Variants in SIM2 observed in about 807,000 individuals in gnomAD.
SIM2 encodes the protein SIM bHLH transcription factor 2.
A neutral mutation model predicts 64.8 loss-of-function variants in SIM2; 28 were observed. The observed-to-expected ratio is 0.43, with a 90% confidence interval of 0.32 to 0.59. SIM2 has a LOEUF of 0.59. Among genes scored for constraint, SIM2 ranks in the 20% least tolerant of loss-of-function variants. The pLI is 0.07. For missense variants in SIM2, 847 were observed against 871.4 expected (o/e 0.97, Z 0.35); for synonymous variants, 408 against 391.1 (o/e 1.04, Z -0.51).
intron 8 of SIM2, 45 bp downstream of exon 8, chr21:36,741,909 C>A (rs75177446): frequency 1.3e-6 from 2 of 1,503,192 alleles, no homozygotes; most frequent in East Asian, 4.9e-5. Context: ...TTTCTCTTCC[C>A]TGTCCCACAT....
chr21:36,743,651 C>T, intron 9 of SIM2, 96 bp downstream of exon 9: 2 of 1,180,276 alleles, frequency 1.7e-6, no homozygotes, highest in Non-Finnish European at 2.4e-6. Flanking sequence ...TCTCATTGCA[C>T]AGCAGGGATC....
At chr21:36,740,754 C>T (rs1396457381) in intron 7 of SIM2, among the ~76,000 whole-genome samples, 6 of 152,328 alleles carry the variant, frequency 3.9e-5, no homozygotes, top group African/African-American at 1.4e-4. Flanking sequence ...CCTTCAGCCC[C>T]AGCTGGTACA....
intron 7 of SIM2, among the ~76,000 whole-genome samples, chr21:36,740,104 C>T (rs982410347): frequency 2.7e-5 from 4 of 150,784 alleles, no homozygotes; most frequent in Non-Finnish European, 5.9e-5. Context: ...ACCTGTTGGC[C>T]TTTCATTTTT....
At chr21:36,708,545 A>G (rs1268890509) in intron 1 of SIM2, among the ~76,000 whole-genome samples, 1 of 152,174 alleles carries the variant, frequency 6.6e-6, no homozygotes, top group Non-Finnish European at 1.5e-5. Flanking sequence ...GCCCCCAGGT[A>G]AACCCCTCAC....
chr21:36,730,031 G>A (rs1447994819), intron 6 of SIM2, among the ~76,000 whole-genome samples: 1 of 152,168 alleles, frequency 6.6e-6, no homozygotes, highest in Non-Finnish European at 1.5e-5. Flanking sequence ...ATATCTTAGG[G>A]CGTTATCCTG....
chr21:36,740,377 A>G (rs2123497277), intron 7 of SIM2, among the ~76,000 whole-genome samples: 1 of 152,294 alleles, frequency 6.6e-6, no homozygotes, highest in Non-Finnish European at 1.5e-5. Flanking sequence ...GATCTGATGG[A>G]TGGATCTGCC....
Position 36,699,835 on chromosome 21 carries a change from C to A in SIM2, c.89C>A (p.Pro30Gln). The change falls in exon 1 of 11, where the codon CCG (proline) becomes CAG (glutamine). Residue 30 changes from proline (P) to glutamine (Q), a missense_variant. Coordinates refer to ENST00000290399, the MANE Select transcript of SIM2 (RefSeq NM_005069.6). The surrounding 1 kb of genome is among the most constrained non-coding windows in gnomAD (Gnocchi z 5.6). ...GAGCTTGCCAAGCTGCTCCCGCTGC[C>A]GTCGGCCATCACTTCGCAGCTGGAC... The part of the protein sequence containing the change: ...FYELAKLLPL[P>Q]SAITSQLDKA... 6.2e-7 allele frequency: 1 copy of A among 1,611,070 alleles called. No homozygotes were observed.
chr21:36,709,630 C>T (rs2088647114), intron 2 of SIM2: 1 of 379,818 alleles, frequency 2.6e-6, no homozygotes, highest in African/African-American at 2.1e-5. Flanking sequence ...AATGATTGGG[C>T]TGCTCTGAGC....
At chr21:36,702,064 T>C (rs1188705828) in intron 1 of SIM2, among the ~76,000 whole-genome samples, 1 of 152,220 alleles carries the variant, frequency 6.6e-6, no homozygotes, top group African/African-American at 2.4e-5. Flanking sequence ...CCGGAGAGCC[T>C]GTTAAAAGAT....
chr21:36,719,688 C>T (rs1178959703), intron 3 of SIM2, 133 bp from the exon 4 acceptor site: 2 of 642,172 alleles, frequency 3.1e-6, no homozygotes, highest in Admixed American at 2.5e-5. Context: ...CTGCGTTTGG[C>T]AAAGGTGTGG....
chr21:36,702,233 G>A (rs890961688), intron 1 of SIM2, among the ~76,000 whole-genome samples: 1 of 152,208 alleles, frequency 6.6e-6, no homozygotes. Context: ...GCTTGCACTG[G>A]TGGCAGGTTT....
chr21:36,749,547 A>G lies in SIM2; in HGVS notation c.*1455A>G, dbSNP rs971314609. ...AGTGGGCCTCATGGTAAGAGTCACA[A>G]TTTGCAAATTTAGGACCGTGGGTCA... On this transcript the variant is annotated 3_prime_UTR_variant, in exon 11 of 11. Coordinates refer to ENST00000290399, the MANE Select transcript of SIM2 (RefSeq NM_005069.6). The G allele has an allele frequency of 2.0e-5, 3 of 151,684 alleles. No individual in the cohort carries two copies. Among genetic ancestry groups the G allele is most frequent in the Admixed American group, 1.3e-4 (2 of 15,220 alleles). 9.4% of individuals were successfully genotyped at this position (151,684 alleles called of 1,614,324 possible).
chr21:36,714,991 T>G (rs905898728), intron 3 of SIM2, among the ~76,000 whole-genome samples: 4 of 152,206 alleles, frequency 2.6e-5, no homozygotes, highest in African/African-American at 9.7e-5. Flanking sequence ...TCTAAGAAAG[T>G]TGTAGAGATA....
chr21:36,719,101 T>A (rs941196379), intron 3 of SIM2, among the ~76,000 whole-genome samples: 3 of 152,176 alleles, frequency 2.0e-5, no homozygotes, highest in African/African-American at 4.8e-5. Context: ...AATCCCCATA[T>A]AACGTGGCTC....
At chr21:36,737,432 G>A (rs1251157651) in intron 7 of SIM2, among the ~76,000 whole-genome samples, 1 of 152,184 alleles carries the variant, frequency 6.6e-6, no homozygotes, top group Non-Finnish European at 1.5e-5. Flanking sequence ...AGGGGGAGCT[G>A]GCAAAGGCTT....
intron 5 of SIM2, among the ~76,000 whole-genome samples, chr21:36,725,492 G>A (rs913984153): frequency 2.0e-5 from 3 of 152,168 alleles, no homozygotes; most frequent in African/African-American, 7.2e-5. Flanking sequence ...TCCCCCAGAT[G>A]CCTTTATTGT....
At position 36,745,958 on chromosome 21, in the gene SIM2, T is replaced by C; in HGVS notation, c.1576+822T>C. 8.1e-7 allele frequency: 1 copy of C among 1,229,280 alleles called. No individual in the cohort carries two copies. Among genetic ancestry groups the C allele is most frequent in the South Asian group, 1.4e-5 (1 of 71,956 alleles). The allele number at this position is 1,229,280 out of a possible 1,614,324, so 76.1% of individuals were successfully genotyped here. On this transcript the variant is annotated intron_variant, in intron 10 of 10. Coordinates refer to ENST00000290399, the MANE Select transcript of SIM2 (RefSeq NM_005069.6). This position sits in a 1 kb window ranked among gnomAD's most constrained non-coding sequence, Gnocchi z 4.8. ...ACCGAGACCTAACTGCCGCTCAGAG[T>C]GTAGACCGAGATGGTGCAGATGCCT...
Position 36,726,122 on chromosome 21 carries a change from A to G in SIM2, c.547A>G (p.Ile183Val). 1 of 1,613,292 alleles carries G rather than the reference A, an allele frequency of 6.2e-7. No homozygotes were observed. The highest frequency in any genetic ancestry group is 8.5e-7 in the Non-Finnish European group (1 of 1,179,826). Reference sequence around the variant, plus strand: ...ACCCTGCCCTCTCCACTCCCAGGTCATCCACTGCAGTGGCTACTTGAAGAT... The same window carrying G: ...ACCCTGCCCTCTCCACTCCCAGGTCGTCCACTGCAGTGGCTACTTGAAGAT... ...AGLTCSGYKV[I>V]HCSGYLKIRQ... The change falls in exon 6 of 11, where the codon ATC (isoleucine) becomes GTC (valine). Residue 183 changes from isoleucine to valine, a missense_variant. By Grantham distance (29) the Ile-to-Val change is conservative (BLOSUM62 3). Around this residue, in one of 3 missense-constraint regions of SIM2, gnomAD observed 397 missense variants for 439.2 expected, o/e 0.90. Transcript: ENST00000290399. The surrounding 1 kb of genome is among the most constrained non-coding windows in gnomAD (Gnocchi z 4.5).
intron 7 of SIM2, among the ~76,000 whole-genome samples, chr21:36,738,802 C>T (rs1346693932): frequency 6.6e-6 from 1 of 152,254 alleles, no homozygotes; most frequent in Non-Finnish European, 1.5e-5. Context: ...CATTGTCAGG[C>T]TTCTCTCTTT....
Sources: gnomAD v4.1 joint callset for allele counts (sites outside exome capture counted in the v4.1 genomes callset) on GRCh38, gnomAD v4.1.1 for gene constraint, gnomAD v4.1.1 regional missense constraint, Gnocchi (gnomAD v3.1) non-coding constraint, MANE v1.5 for transcripts, NCBI Gene and HGNC (gene_info 2026-07-23, HGNC 2026-07-21) for gene names.